The following PIKFYVE variants were observed in gnomAD, a reference collection of about 807,000 sequenced individuals.
The protein encoded by PIKFYVE is 1-phosphatidylinositol 3-phosphate 5-kinase.
A neutral mutation model predicts 257.9 loss-of-function variants in PIKFYVE; 122 were observed. The observed-to-expected ratio is 0.47, with a 90% confidence interval of 0.41 to 0.55. The LOEUF is 0.55. Ranked by LOEUF, PIKFYVE falls within the 20% of genes least tolerant of loss-of-function variation. The probability of loss-of-function intolerance (pLI) is 0.00; values close to 1 mark genes in which losing one functional copy is unlikely to be tolerated. For missense variants in PIKFYVE, 2,160 were observed against 2,536.6 expected (o/e 0.85, Z 3.19); for synonymous variants, 892 against 868.9 (o/e 1.03, Z -0.47).
chr2:208,284,550 C>A (rs953552483), intron 5 of PIKFYVE, among the ~76,000 whole-genome samples: 3 of 150,776 alleles, frequency 2.0e-5, no homozygotes, highest in African/African-American at 7.3e-5. Flanking sequence ...CGTGAGCCAC[C>A]GTGCCCGGCC....
chr2:208,323,776 T>G (rs1696589732), intron 17 of PIKFYVE, among the ~76,000 whole-genome samples: 1 of 152,202 alleles, frequency 6.6e-6, no homozygotes, highest in Non-Finnish European at 1.5e-5. Flanking sequence ...CACATGTTGT[T>G]TCCTGACTTT....
chr2:208,350,462 A>G (rs549746035), intron 36 of PIKFYVE, among the ~76,000 whole-genome samples: 37 of 152,322 alleles, frequency 2.4e-4, no homozygotes, highest in African/African-American at 8.4e-4. Flanking sequence ...AATTACTATA[A>G]AAGTACAATG....
Position 208,299,773 on chromosome 2 carries a change from T to A in PIKFYVE, c.1050+994T>A, listed in dbSNP as rs547972860. On this transcript the variant is annotated intron_variant, in intron 8 of 41. Coordinates refer to ENST00000264380, the MANE Select transcript of PIKFYVE (RefSeq NM_015040.4). ...AATAATCAGTTGCTTATTGAATTTA[T>A]CTGTGCATAAAATACTGTGTTCAAT... Among the ~76,000 whole-genome samples the A allele has an allele frequency of 8.5e-5, 13 of 152,346 alleles. No individual in the cohort carries two copies. The East Asian group carries it at 9.6e-4, about 11-fold the overall frequency.
intron 31 of PIKFYVE, 34 bp from the exon 32 acceptor site, chr2:208,342,520 T>C (rs1287621499): frequency 2.7e-6 from 4 of 1,465,816 alleles, no homozygotes; most frequent in South Asian, 1.1e-5. Context: ...TCTAGAGTAC[T>C]TAGTTAACTT....
Position 208,277,521 on chromosome 2 carries a change from AT to A in PIKFYVE, c.442-11del. On this transcript the variant is annotated splice_polypyrimidine_tract_variant and intron_variant, in intron 4 of 41. Coordinates refer to ENST00000264380, the MANE Select transcript of PIKFYVE (RefSeq NM_015040.4). The stretch of plus-strand genomic sequence containing the variant: ...CAGTATTTTCAAGAAGCCTTCACAC[AT>A]TTTTATTGTTATAGGATAGTGACCT... The A allele has an allele frequency of 6.2e-7, 1 of 1,612,882 alleles. No individual in the cohort carries two copies.
At position 208,286,025 on chromosome 2, in the gene PIKFYVE, A is replaced by C. The variant is rs1313078587; in HGVS notation, c.821+92A>C. On this transcript the variant is annotated intron_variant, in intron 6 of 41. Coordinates refer to ENST00000264380, the MANE Select transcript of PIKFYVE (RefSeq NM_015040.4). ...GCTTTCAGTTAACACTTACCCTCTT[A>C]GAATTATTTCCTGTCAGTTCACTGT... The C allele has an allele frequency of 4.5e-5, 57 of 1,262,934 alleles. 1 individual carries two copies. The highest frequency in any genetic ancestry group is 7.6e-5 in the Admixed American group (4 of 52,316). The allele number at this position is 1,262,934 out of a possible 1,614,324, so 78.2% of individuals were successfully genotyped here. A position where few individuals can be genotyped will look rare whatever the true frequency, so the allele number is the denominator to read the frequency against.
At chr2:208,342,777 A>G in intron 32 of PIKFYVE, 128 bp downstream of exon 32, 2 of 619,594 alleles carry the variant, frequency 3.2e-6, no homozygotes, top group Non-Finnish European at 5.6e-6. Context: ...TATGTTCTTT[A>G]GTCGTGATAG....
In PIKFYVE at chr2:208,356,103, A is replaced by T. The variant is rs886055540; in HGVS notation, c.*798A>T. 6.6e-6 allele frequency: 1 copy of T among 152,178 alleles called. No homozygotes were observed. The highest frequency in any genetic ancestry group is 2.1e-4 in the South Asian group (1 of 4,832). 9.4% of individuals were successfully genotyped at this position (152,178 alleles called of 1,614,324 possible). On this transcript the variant is annotated 3_prime_UTR_variant, in exon 42 of 42. Transcript: ENST00000264380. Reference sequence around the variant, plus strand: ...CTCTATTTTTAGGGTATCATAGTAAATCATTAGTAAATGAGTCTGTAGTTA... The same window carrying T: ...CTCTATTTTTAGGGTATCATAGTAATTCATTAGTAAATGAGTCTGTAGTTA...
chr2:208,291,099 G>A (rs1692252589), intron 7 of PIKFYVE, among the ~76,000 whole-genome samples: 1 of 152,118 alleles, frequency 6.6e-6, no homozygotes, highest in Non-Finnish European at 1.5e-5. Flanking sequence ...AAAGCTTTGA[G>A]TTTCTCACCA....
chr2:208,317,992 T>C, intron 16 of PIKFYVE, 51 bp downstream of exon 16: 1 of 1,543,368 alleles, frequency 6.5e-7, no homozygotes, highest in Non-Finnish European at 9.0e-7. Context: ...GGCTGTGTGC[T>C]TAGGTAACAA....
intron 8 of PIKFYVE, among the ~76,000 whole-genome samples, chr2:208,300,284 T>C (rs1328575976): frequency 6.6e-6 from 1 of 152,168 alleles, no homozygotes; most frequent in African/African-American, 2.4e-5. Context: ...GTGAATCTTA[T>C]TTAAAGGTGT....
chr2:208,288,603 A>G, intron 6 of PIKFYVE, 126 bp from the exon 7 acceptor site: 1 of 1,428,590 alleles, frequency 7.0e-7, no homozygotes, highest in Non-Finnish European at 9.4e-7. Flanking sequence ...AAGGAAGAAC[A>G]AAAATGACAC....
At chr2:208,324,819 T>C in intron 18 of PIKFYVE, 92 bp from the exon 19 acceptor site, 6 of 1,448,624 alleles carry the variant, frequency 4.1e-6, no homozygotes, top group Non-Finnish European at 5.7e-6. Flanking sequence ...GTGAATGTTA[T>C]TTTTTAATTT....
chr2:208,288,726 T>C lies in PIKFYVE; in HGVS notation c.822-3T>C. 6.2e-7 allele frequency: 1 copy of C among 1,613,934 alleles called. No individual in the cohort carries two copies. Among genetic ancestry groups the C allele is most frequent in the Non-Finnish European group, 8.5e-7 (1 of 1,179,924 alleles). ...TTTCAGTATTTTCCTATTTTCTTTA[T>C]AGTTTGATTCATCCAGATTCCTCAA... On this transcript the variant is annotated splice_region_variant and splice_polypyrimidine_tract_variant and intron_variant, in intron 6 of 41. Coordinates refer to ENST00000264380, the MANE Select transcript of PIKFYVE (RefSeq NM_015040.4).
At chr2:208,330,785 C>G in intron 23 of PIKFYVE, 91 bp downstream of exon 23, 1 of 1,280,304 alleles carries the variant, frequency 7.8e-7, no homozygotes, top group Non-Finnish European at 1.1e-6. Flanking sequence ...CTATATGGTA[C>G]TGGATTCGTT....
intron 3 of PIKFYVE, chr2:208,273,986 A>C (rs1257744832): frequency 6.2e-7 from 1 of 1,604,140 alleles, no homozygotes; most frequent in Non-Finnish European, 8.5e-7. Context: ...TTTCTTGACT[A>C]TTTTTTGATT....
Position 208,326,323 on chromosome 2 carries a change from C to T in PIKFYVE, c.3512C>T (p.Ala1171Val). ...CAGCCCAAAAATTCAGACCCTTTTG[C>T]TCATTCAAAGGATGCATCAAGTACT... ...RIQPKNSDPF[A>V]HSKDASSTSS... Residue 1171 changes from alanine (A) to valine (V), a missense_variant, in exon 20 of 42, where the codon GCT (alanine) becomes GTT (valine). Ala to Val is a moderately conservative substitution (Grantham distance 64, BLOSUM62 0). Coordinates refer to ENST00000264380, the MANE Select transcript of PIKFYVE (RefSeq NM_015040.4). The T allele has an allele frequency of 3.7e-6, 6 of 1,611,558 alleles. No individual in the cohort carries two copies. The highest frequency in any genetic ancestry group is 4.2e-6 in the Non-Finnish European group (5 of 1,178,900).
intron 1 of PIKFYVE, among the ~76,000 whole-genome samples, chr2:208,267,854 C>T (rs1688868452): frequency 6.6e-6 from 1 of 151,724 alleles, no homozygotes; most frequent in South Asian, 2.1e-4. Flanking sequence ...TCTCGGCTTA[C>T]TGCAGTCTCC....
intron 16 of PIKFYVE, among the ~76,000 whole-genome samples, chr2:208,318,942 C>T (rs1387922990): frequency 6.6e-5 from 8 of 120,628 alleles, no homozygotes; most frequent in African/African-American, 2.1e-4. Flanking sequence ...CAGAGCGAGA[C>T]TCCGTCTCAA....
Sources: gnomAD v4.1 joint callset for allele counts (sites outside exome capture counted in the v4.1 genomes callset) on GRCh38, gnomAD v4.1.1 for gene constraint, MANE v1.5 for transcripts, NCBI Gene and HGNC (gene_info 2026-07-23, HGNC 2026-07-21) for gene names.